Variants in BFSP2 observed in about 807,000 individuals in gnomAD.
BFSP2 encodes the protein beaded filament structural protein 2, also known as phakinin.
Under a neutral mutation model 44.9 loss-of-function variants are expected in BFSP2, and 38 were observed. That is an observed-to-expected ratio of 0.85 (90% CI 0.65 to 1.11). The LOEUF is 1.11. Ranked by LOEUF, BFSP2 falls within the 50% of genes least tolerant of loss-of-function variation. The pLI is 0.00. For synonymous variants in BFSP2, 197 were observed against 209.9 expected (o/e 0.94, Z 0.53); for missense variants, 525 against 533.0 (o/e 0.99, Z 0.15).
intron 4 of BFSP2, among the ~76,000 whole-genome samples, chr3:133,458,922 G>A (rs61396396): frequency 0.033 from 4,992 of 152,196 alleles, 277 homozygotes; most frequent in African/African-American, 0.11. Context: ...CCAGGTGCAA[G>A]GCCCTGACTT....
intron 1 of BFSP2, among the ~76,000 whole-genome samples, chr3:133,413,810 C>T (rs1363727726): frequency 6.6e-6 from 1 of 151,932 alleles, no homozygotes; most frequent in Non-Finnish European, 1.5e-5. Flanking sequence ...ACAACTTGTC[C>T]TTTTTAGTTA....
intron 1 of BFSP2, among the ~76,000 whole-genome samples, chr3:133,429,917 C>T (rs1376543189): frequency 1.3e-5 from 2 of 151,346 alleles, no homozygotes; most frequent in Admixed American, 1.3e-4. Flanking sequence ...ACCCCCACCC[C>T]ACAACAGTCC....
chr3:133,449,766 G>A (rs1179823080), intron 3 of BFSP2, among the ~76,000 whole-genome samples: 1 of 151,854 alleles, frequency 6.6e-6, no homozygotes, highest in East Asian at 1.9e-4. Flanking sequence ...GCCTGTGCCT[G>A]TAGTCTCAGC....
intron 1 of BFSP2, among the ~76,000 whole-genome samples, chr3:133,431,893 T>G (rs1253292387): frequency 6.6e-6 from 1 of 152,112 alleles, no homozygotes. Flanking sequence ...GCCGAGACAC[T>G]TTAAATTATC....
At chr3:133,443,447 A>C (rs977652062) in intron 1 of BFSP2, among the ~76,000 whole-genome samples, 1 of 152,214 alleles carries the variant, frequency 6.6e-6, no homozygotes, top group African/African-American at 2.4e-5. Context: ...AGCAGAGAAT[A>C]ATAAGAAAGA....
chr3:133,456,681 G>A (rs1209002761), intron 4 of BFSP2, among the ~76,000 whole-genome samples: 1 of 152,182 alleles, frequency 6.6e-6, no homozygotes. Flanking sequence ...AGCCTAGGAG[G>A]TCGAGGTTGC....
At chr3:133,449,287 C>T (rs2073934093) in intron 3 of BFSP2, 1 of 152,836 alleles carries the variant, frequency 6.5e-6, no homozygotes, top group African/African-American at 2.4e-5. Flanking sequence ...TTGTTCTTAG[C>T]TCAGTGATTT....
chr3:133,414,959 CCT>C (rs2073501457), intron 1 of BFSP2, among the ~76,000 whole-genome samples: 1 of 141,196 alleles, frequency 7.1e-6, no homozygotes, highest in Non-Finnish European at 1.5e-5. Context: ...TGCCATCTCC[CCT>C]CTACTCACCC....
chr3:133,436,200 C>T (rs1168568262), intron 1 of BFSP2, among the ~76,000 whole-genome samples: 1 of 151,850 alleles, frequency 6.6e-6, no homozygotes, highest in African/African-American at 2.4e-5. Flanking sequence ...GTGTCGTGTG[C>T]CTGTAGTCCC....
chr3:133,400,441 G>A lies in BFSP2; in HGVS notation c.358G>A (p.Ala120Thr). The change falls in exon 1 of 7, where the codon GCC (alanine) becomes ACC (threonine). Residue 120 changes from alanine (A) to threonine (T), a missense_variant. Transcript: ENST00000302334. The surrounding 1 kb of genome is among the most constrained non-coding windows in gnomAD (Gnocchi z 4.0). The stretch of plus-strand genomic sequence containing the variant: ...AGGGGGCTGCCTGGTGGAATATATG[G>A]CCAAAGTGCACGCCCTTGAGCAAGT... The part of the protein sequence containing the change: ...DLGGCLVEYM[A>T]KVHALEQVSQ... 4 of 1,614,028 alleles carry A rather than the reference G, an allele frequency of 2.5e-6. No individual in the cohort carries two copies. Among genetic ancestry groups the A allele is most frequent in the Non-Finnish European group, 3.4e-6 (4 of 1,180,034 alleles).
rs377739322 is a variant in BFSP2, at chr3:133,400,990, G to A, written c.489+418G>A. 6.6e-6 allele frequency among the ~76,000 whole-genome samples: 1 copy of A among 152,168 alleles called. No homozygotes were observed. The highest frequency in any genetic ancestry group is 1.5e-5 in the Non-Finnish European group (1 of 68,028). On this transcript the variant is annotated intron_variant, in intron 1 of 6. Coordinates refer to ENST00000302334, the MANE Select transcript of BFSP2 (RefSeq NM_003571.4). The surrounding 1 kb of genome is among the most constrained non-coding windows in gnomAD (Gnocchi z 4.0). ...TCAGTCACCTTTACTGTTGAGAAGG[G>A]ATTTTTACAGCTATTATCCAATCAA...
chr3:133,447,303 T>C lies in BFSP2; in HGVS notation c.490-14T>C, dbSNP rs969274563. ...CAGTGACCTTGTCTCCTTTGGTGTG[T>C]GTGATCGCTCTAGGTGGGTGAGGCA... On this transcript the variant is annotated splice_polypyrimidine_tract_variant and intron_variant, in intron 1 of 6. Transcript: ENST00000302334. 3 of 1,613,788 alleles carry C rather than the reference T, an allele frequency of 1.9e-6. No homozygotes were observed. Among genetic ancestry groups the C allele is most frequent in the Non-Finnish European group, 2.5e-6 (3 of 1,179,918 alleles).
At position 133,459,427 on chromosome 3, in the gene BFSP2, T is replaced by C. The variant is rs111569943; in HGVS notation, c.892-7401T>C. On this transcript the variant is annotated intron_variant, in intron 4 of 6. Transcript: ENST00000302334. ...TCTTCAGCTGATTTTATCAAGAGGATGAGCTTACTTATTACAAGGGGGCAG... is the reference window on the plus strand; with the variant it reads ...TCTTCAGCTGATTTTATCAAGAGGACGAGCTTACTTATTACAAGGGGGCAG... 4.7e-3 allele frequency among the ~76,000 whole-genome samples: 721 copies of C among 152,334 alleles called. 4 individuals are homozygous for C. The highest frequency in any genetic ancestry group is 0.016 in the African/African-American group (684 of 41,570).
intron 1 of BFSP2, among the ~76,000 whole-genome samples, chr3:133,404,208 AAT>A (rs2107874666): frequency 6.6e-6 from 1 of 152,266 alleles, no homozygotes; most frequent in East Asian, 1.9e-4. Flanking sequence ...GTGCCCAGCC[AAT>A]AGTTTTATCT....
chr3:133,470,583 C>G lies in BFSP2; in HGVS notation c.1024-1762C>G, dbSNP rs559028806. On this transcript the variant is annotated intron_variant, in intron 5 of 6. Coordinates refer to ENST00000302334, the MANE Select transcript of BFSP2 (RefSeq NM_003571.4). ...GCTCTGTAGTTTTCAGGACATGGTGCATGGGAAGATGAGAAGAAAGAAGTT... is the reference window on the plus strand; with the variant it reads ...GCTCTGTAGTTTTCAGGACATGGTGGATGGGAAGATGAGAAGAAAGAAGTT... 2.0e-5 allele frequency among the ~76,000 whole-genome samples: 3 copies of G among 152,262 alleles called. No homozygotes were observed. The South Asian group carries it at 6.2e-4, about 32-fold the overall frequency.
chr3:133,431,869 C>T (rs142704063), intron 1 of BFSP2, among the ~76,000 whole-genome samples: 34 of 152,232 alleles, frequency 2.2e-4, no homozygotes, highest in African/African-American at 6.7e-4. Flanking sequence ...CCACCTGCCC[C>T]GTTCCCTTAT....
At chr3:133,415,689 C>A (rs1435310996) in intron 1 of BFSP2, among the ~76,000 whole-genome samples, 1 of 113,396 alleles carries the variant, frequency 8.8e-6, no homozygotes, top group Non-Finnish European at 2.0e-5. Flanking sequence ...CCTCTACTCA[C>A]CCCTCTACTC....
At chr3:133,424,236 T>TGGG (rs2073623152) in intron 1 of BFSP2, among the ~76,000 whole-genome samples, 1 of 145,502 alleles carries the variant, frequency 6.9e-6, no homozygotes, top group South Asian at 2.2e-4. Flanking sequence ...TTTTTTTTTT[T>TGGG]TTTTTGTATT....
In BFSP2 at chr3:133,466,814, C is replaced by T. The variant is rs565693676; in HGVS notation, c.892-14C>T. On this transcript the variant is annotated splice_polypyrimidine_tract_variant and intron_variant, in intron 4 of 6. Transcript: ENST00000302334. ...TGATCATCACCGCTCACACTGAGAC[C>T]TGACTCTCCACAGCAACAGGCGGAG... is the stretch of plus-strand genomic sequence containing the variant. The T allele has an allele frequency of 1.2e-5, 19 of 1,611,918 alleles. No individual in the cohort carries two copies. In the African/African-American group the frequency reaches 2.5e-4, roughly 22 times the overall value.
Sources: allele counts gnomAD v4.1 joint callset (sites outside exome capture counted in the v4.1 genomes callset), GRCh38; gene constraint gnomAD v4.1.1; non-coding constraint Gnocchi (gnomAD v3.1); transcripts MANE v1.5; gene names NCBI Gene and HGNC (gene_info 2026-07-23, HGNC 2026-07-21).